SNTG2: variants seen among roughly 807,000 people sequenced by gnomAD.
The protein encoded by SNTG2 is gamma-2-syntrophin.
Under a neutral mutation model 70.9 loss-of-function variants are expected in SNTG2, and 74 were observed. That is an observed-to-expected ratio of 1.04 (90% CI 0.86 to 1.27). The LOEUF (loss-of-function observed/expected upper bound fraction) is 1.27. Ranked by LOEUF, SNTG2 falls within the 50% of genes most tolerant of loss-of-function variation. The pLI, the probability that SNTG2 is intolerant of heterozygous loss-of-function variation, is 0.00. For synonymous variants in SNTG2, 278 were observed against 273.8 expected (o/e 1.02, Z -0.15); for missense variants, 717 against 690.7 (o/e 1.04, Z -0.43).
At chr2:1,367,283 T>C in intron 16 of SNTG2, 60 bp from the exon 17 acceptor site, 1 of 1,464,586 alleles carries the variant, frequency 6.8e-7, no homozygotes, top group South Asian at 1.4e-5. Context: ...TTGTTAAATA[T>C]TTTTGTAACG....
At chr2:1,021,798 G>T (rs886203602) in intron 1 of SNTG2, among the ~76,000 whole-genome samples, 2 of 151,716 alleles carry the variant, frequency 1.3e-5, no homozygotes, top group African/African-American at 4.8e-5. Context: ...ATTAATTTTT[G>T]TAAAGATGGG....
intron 2 of SNTG2, among the ~76,000 whole-genome samples, chr2:1,085,200 A>C (rs553842444): frequency 6.6e-6 from 1 of 152,348 alleles, no homozygotes; most frequent in South Asian, 2.1e-4. Context: ...AAAGAAAAAA[A>C]TCAAGGAAGC....
At chr2:1,074,811 C>T (rs960936180) in intron 1 of SNTG2, among the ~76,000 whole-genome samples, 1 of 152,112 alleles carries the variant, frequency 6.6e-6, no homozygotes, top group Non-Finnish European at 1.5e-5. Context: ...CTATAATAGG[C>T]TCAAGTTATT....
At chr2:1,051,543 G>A (rs924866245) in intron 1 of SNTG2, among the ~76,000 whole-genome samples, 15 of 152,150 alleles carry the variant, frequency 9.9e-5, no homozygotes, top group African/African-American at 3.6e-4. Context: ...TTTGTACTCG[G>A]GGCAGCTTCT....
At chr2:982,218 TTTA>T (rs1174909999) in intron 1 of SNTG2, among the ~76,000 whole-genome samples, 3 of 152,266 alleles carry the variant, frequency 2.0e-5, no homozygotes, top group Non-Finnish European at 4.4e-5. Flanking sequence ...TTTCTTGAGT[TTTA>T]TTTTTTTTAA....
At chr2:1,346,669 T>A (rs1325330087) in intron 16 of SNTG2, 1 of 152,256 alleles carries the variant, frequency 6.6e-6, no homozygotes, top group Non-Finnish European at 1.5e-5. Flanking sequence ...GGACACACAG[T>A]CTCCTGAGGT....
chr2:1,147,937 G>A (rs1330947275), intron 6 of SNTG2, among the ~76,000 whole-genome samples: 4 of 152,252 alleles, frequency 2.6e-5, no homozygotes, highest in Non-Finnish European at 5.9e-5. Context: ...AGGTCTGAAT[G>A]TGATTTTAAA....
At chr2:1,141,325 G>A (rs920392234) in intron 6 of SNTG2, among the ~76,000 whole-genome samples, 4 of 152,202 alleles carry the variant, frequency 2.6e-5, no homozygotes, top group Admixed American at 6.5e-5. Flanking sequence ...TTCTGGCTTC[G>A]GTGCCGGAAC....
At chr2:1,094,056 C>T (rs1310238247) in intron 2 of SNTG2, among the ~76,000 whole-genome samples, 1 of 80,344 alleles carries the variant, frequency 1.2e-5, no homozygotes, top group African/African-American at 6.0e-5. Context: ...GGCTTGCAGG[C>T]GAAGGCCTTA....
At chr2:1,199,081 AG>A (rs1673115506) in intron 8 of SNTG2, among the ~76,000 whole-genome samples, 1 of 151,370 alleles carries the variant, frequency 6.6e-6, no homozygotes, top group African/African-American at 2.4e-5. Context: ...CAGCAAAGAA[AG>A]GAAACAACAG....
intron 16 of SNTG2, among the ~76,000 whole-genome samples, chr2:1,318,064 T>C (rs2148266753): frequency 6.6e-6 from 1 of 152,384 alleles, no homozygotes; most frequent in East Asian, 1.9e-4. Context: ...CTTTGTTAAT[T>C]AAAGACCTTA....
intron 8 of SNTG2, among the ~76,000 whole-genome samples, chr2:1,207,970 C>T (rs1037289491): frequency 5.3e-5 from 8 of 152,176 alleles, no homozygotes; most frequent in Non-Finnish European, 8.8e-5. Flanking sequence ...TTAACACTTA[C>T]GAACAAGCAA....
chr2:1,221,969 CTCTG>C (rs1675035019), intron 9 of SNTG2, among the ~76,000 whole-genome samples: 2 of 68,690 alleles, frequency 2.9e-5, no homozygotes, highest in Non-Finnish European at 5.3e-5. Flanking sequence ...CTCTCTCTGT[CTCTG>C]TCTCTGTCTC....
At chr2:1,162,012 T>C (rs535574915) in intron 6 of SNTG2, among the ~76,000 whole-genome samples, 1 of 137,676 alleles carries the variant, frequency 7.3e-6, no homozygotes, top group East Asian at 2.2e-4. Flanking sequence ...AGGCGGAGCT[T>C]GCAGTGGGCC....
chr2:1,136,177 T>A (rs1359346188), intron 4 of SNTG2, among the ~76,000 whole-genome samples: 2 of 151,934 alleles, frequency 1.3e-5, no homozygotes, highest in Non-Finnish European at 2.9e-5. Context: ...AAAATTTAGG[T>A]TTGTAATGCT....
chr2:952,432 A>T, intron 1 of SNTG2, among the ~76,000 whole-genome samples: 1 of 152,226 alleles, frequency 6.6e-6, no homozygotes, highest in East Asian at 1.9e-4. Flanking sequence ...ATACTTCATG[A>T]TTGACCCACT....
intron 9 of SNTG2, among the ~76,000 whole-genome samples, chr2:1,226,216 T>C (rs765243027): frequency 1.8e-4 from 27 of 152,188 alleles, no homozygotes; most frequent in South Asian, 4.1e-4. Context: ...TACATGGTTA[T>C]GTCATTAGAA....
intron 7 of SNTG2, among the ~76,000 whole-genome samples, chr2:1,167,012 A>G (rs1670752584): frequency 6.6e-6 from 1 of 152,116 alleles, no homozygotes; most frequent in Non-Finnish European, 1.5e-5. Flanking sequence ...CCTTGTGCCA[A>G]CCCTCCAAGC....
At chr2:1,085,727 C>T (rs1461403165) in intron 2 of SNTG2, among the ~76,000 whole-genome samples, 2 of 152,180 alleles carry the variant, frequency 1.3e-5, no homozygotes, top group African/African-American at 2.4e-5. Context: ...CATGAAGTGT[C>T]GATGTTTAAG....
Sources: allele counts gnomAD v4.1 joint callset (sites outside exome capture counted in the v4.1 genomes callset), GRCh38; gene constraint gnomAD v4.1.1; transcripts MANE v1.5; gene names NCBI Gene and HGNC (gene_info 2026-07-23, HGNC 2026-07-21).